The following ELMO1 variants were observed in gnomAD, a reference collection of about 807,000 sequenced individuals.
The protein encoded by ELMO1 is engulfment and cell motility protein 1.
Under a neutral mutation model 98.9 loss-of-function variants are expected in ELMO1, and 26 were observed. The observed-to-expected ratio is 0.26, with a 90% CI of 0.19 to 0.36. ELMO1 has a LOEUF of 0.36. Ranked by LOEUF, ELMO1 falls within the 10% of genes least tolerant of loss-of-function variation. The pLI, the probability that ELMO1 is intolerant of heterozygous loss-of-function variation, is 1.00. For synonymous variants in ELMO1, 346 were observed against 346.0 expected (o/e 1.00, Z 0.00); for missense variants, 627 against 935.2 (o/e 0.67, Z 4.30).
chr7:36,972,011 G>A (rs1790004235), intron 16 of ELMO1, among the ~76,000 whole-genome samples: 1 of 152,154 alleles, frequency 6.6e-6, no homozygotes, highest in African/African-American at 2.4e-5. Context: ...TCATGGGTCT[G>A]GGGTGCTCTC....
At chr7:37,078,172 C>T (rs558547341) in intron 15 of ELMO1, among the ~76,000 whole-genome samples, 15 of 152,004 alleles carry the variant, frequency 9.9e-5, no homozygotes, top group African/African-American at 2.7e-4. Flanking sequence ...ATAATGAATC[C>T]GGGCACGATT....
chr7:36,977,151 G>C (rs370956784), intron 16 of ELMO1, among the ~76,000 whole-genome samples: 2 of 152,244 alleles, frequency 1.3e-5, no homozygotes, highest in African/African-American at 4.8e-5. Context: ...GAGTCTCCCT[G>C]AGTCTGGCCC....
At position 37,216,705 on chromosome 7, in the gene ELMO1, A is replaced by T. The variant is rs958001409; in HGVS notation, c.781-10T>A. 3 of 1,614,006 alleles carry T rather than the reference A, an allele frequency of 1.9e-6. No individual in the cohort carries two copies. The African/African-American group carries it at 4.0e-5, about 22-fold the overall frequency. On this transcript the variant is annotated splice_polypyrimidine_tract_variant and intron_variant, in intron 10 of 21. Transcript: ENST00000310758. ...AAATATTCGCCATCTCCTGTGGAAG[A>T]AAAACACACCCACACAAAGGCTTAG... is the stretch of plus-strand genomic sequence containing the variant.
intron 16 of ELMO1, among the ~76,000 whole-genome samples, chr7:36,908,278 C>T (rs1784104053): frequency 6.6e-6 from 1 of 152,194 alleles, no homozygotes; most frequent in Non-Finnish European, 1.5e-5. Context: ...TCTAGACCTA[C>T]TGATGTTTAG....
chr7:37,230,977 C>T (rs1353405777), intron 8 of ELMO1, among the ~76,000 whole-genome samples: 4 of 152,138 alleles, frequency 2.6e-5, no homozygotes, highest in African/African-American at 7.2e-5. Context: ...AACGTAATTG[C>T]GGTTTTTGCA....
At chr7:36,882,562 C>T (rs1804563062) in intron 18 of ELMO1, among the ~76,000 whole-genome samples, 1 of 152,230 alleles carries the variant, frequency 6.6e-6, no homozygotes, top group Non-Finnish European at 1.5e-5. Context: ...GAGCAAATGA[C>T]ACCGGAGTCC....
chr7:37,101,120 T>C (rs1784617754), intron 14 of ELMO1, among the ~76,000 whole-genome samples: 1 of 152,228 alleles, frequency 6.6e-6, no homozygotes, highest in Non-Finnish European at 1.5e-5. Context: ...GCAGTGAGAC[T>C]GGCTCTCTGA....
rs28539492 is a variant in ELMO1, at chr7:37,418,664, C to T, written c.-74+30011G>A. Among the ~76,000 whole-genome samples, 1,248 of 152,280 alleles carry T rather than the reference C, an allele frequency of 8.2e-3. 14 individuals carry two copies. Among genetic ancestry groups the T allele is most frequent in the African/African-American group, 0.029 (1,188 of 41,554 alleles). ...GCGTCAGAGTCAGCTCAGATAACCT[C>T]GGTCAGATGCTGACCTGCAGAAGTC... is the stretch of plus-strand genomic sequence containing the variant. On this transcript the variant is annotated intron_variant, in intron 1 of 21. Transcript: ENST00000310758.
intron 15 of ELMO1, among the ~76,000 whole-genome samples, chr7:37,017,429 C>T (rs894247978): frequency 6.6e-6 from 1 of 152,132 alleles, no homozygotes; most frequent in African/African-American, 2.4e-5. Flanking sequence ...ATGTGCCCAG[C>T]TAAAAAAGTA....
At chr7:37,199,224 G>A (rs1177387474) in intron 13 of ELMO1, among the ~76,000 whole-genome samples, 4 of 151,978 alleles carry the variant, frequency 2.6e-5, no homozygotes, top group African/African-American at 4.8e-5. Flanking sequence ...GTTAATTACC[G>A]TAAAAAGTAA....
chr7:37,269,420 G>A (rs1796437797), intron 5 of ELMO1: 1 of 149,824 alleles, frequency 6.7e-6, no homozygotes, highest in East Asian at 1.9e-4. Context: ...TTTTGTAGCT[G>A]GGCTCCTATC....
chr7:37,416,930 G>A (rs542475850), intron 1 of ELMO1, among the ~76,000 whole-genome samples: 1 of 152,266 alleles, frequency 6.6e-6, no homozygotes, highest in Non-Finnish European at 1.5e-5. Flanking sequence ...TTTGTGTTTG[G>A]CTCATTCACT....
chr7:37,217,873 T>C, intron 10 of ELMO1: 1 of 445,272 alleles, frequency 2.2e-6, no homozygotes, highest in South Asian at 1.6e-5. Context: ...GCTGACCCAC[T>C]GCATTGAAAA....
chr7:37,188,545 C>A (rs866468412), intron 13 of ELMO1, among the ~76,000 whole-genome samples: 28 of 142,450 alleles, frequency 2.0e-4, no homozygotes, highest in African/African-American at 7.3e-4. Context: ...CAAGAGAAGA[C>A]TATAATAGGG....
chr7:36,872,520 A>T (rs1803612193), intron 19 of ELMO1, among the ~76,000 whole-genome samples: 1 of 152,108 alleles, frequency 6.6e-6, no homozygotes, highest in Non-Finnish European at 1.5e-5. Flanking sequence ...CTGATCTCAG[A>T]CCCCTTTTCT....
chr7:37,030,141 A>AC (rs1487134691), intron 15 of ELMO1, among the ~76,000 whole-genome samples: 3 of 152,134 alleles, frequency 2.0e-5, no homozygotes, highest in African/African-American at 7.2e-5. Flanking sequence ...CTAAGGAGAG[A>AC]CCATTTTAGA....
intron 6 of ELMO1, among the ~76,000 whole-genome samples, chr7:37,250,068 G>A (rs1330448499): frequency 1.3e-5 from 2 of 152,090 alleles, no homozygotes; most frequent in African/African-American, 4.8e-5. Flanking sequence ...AACAGAGCAA[G>A]ACTCTGACTC....
intron 15 of ELMO1, among the ~76,000 whole-genome samples, chr7:37,077,640 T>C (rs750354847): frequency 4.6e-5 from 7 of 152,136 alleles, no homozygotes; most frequent in Non-Finnish European, 8.8e-5. Flanking sequence ...TTAAGAAATA[T>C]GGGTACTGAA....
chr7:36,882,094 C>T (rs551077143), intron 18 of ELMO1, among the ~76,000 whole-genome samples: 258 of 152,286 alleles, frequency 1.7e-3, no homozygotes, highest in Non-Finnish European at 2.5e-3. Flanking sequence ...AACCAAACCC[C>T]GAGACTGCCA....
Sources: allele counts gnomAD v4.1 joint callset (sites outside exome capture counted in the v4.1 genomes callset), GRCh38; gene constraint gnomAD v4.1.1; transcripts MANE v1.5; gene names NCBI Gene and HGNC (gene_info 2026-07-23, HGNC 2026-07-21).